Variants in MDGA2 observed in about 807,000 individuals in gnomAD.
The protein encoded by MDGA2 is MAM domain-containing glycosylphosphatidylinositol anchor protein 2.
MDGA2 carries 40 observed loss-of-function variants against 117.8 expected under a neutral mutation model. The ratio of observed to expected loss-of-function variants is 0.34; its 90% CI spans 0.26 to 0.44. The LOEUF (loss-of-function observed/expected upper bound fraction) is 0.44, where lower values mean the gene tolerates loss of function less well. Among genes scored for constraint, MDGA2 ranks in the 20% least tolerant of loss-of-function variants. The pLI, the probability that MDGA2 is intolerant of heterozygous loss-of-function variation, is 1.00. For synonymous variants in MDGA2, 452 were observed against 439.0 expected (o/e 1.03, Z -0.37); for missense variants, 1,123 against 1,250.6 (o/e 0.90, Z 1.54).
At chr14:47,252,427 A>G (rs1226418363) in intron 2 of MDGA2, among the ~76,000 whole-genome samples, 1 of 152,296 alleles carries the variant, frequency 6.6e-6, no homozygotes, top group East Asian at 1.9e-4. Context: ...CAAAAGAATA[A>G]TTTAATCACA....
At chr14:47,511,420 T>C (rs1317648281) in intron 1 of MDGA2, among the ~76,000 whole-genome samples, 1 of 152,178 alleles carries the variant, frequency 6.6e-6, no homozygotes, top group East Asian at 1.9e-4. Flanking sequence ...GTTCTTGTAT[T>C]TACATACTGA....
At chr14:47,671,485 C>T (rs1457241519) in intron 1 of MDGA2, among the ~76,000 whole-genome samples, 2 of 152,172 alleles carry the variant, frequency 1.3e-5, no homozygotes, top group Non-Finnish European at 2.9e-5. Context: ...TTTATAATGA[C>T]ATAGTTCTCA....
intron 1 of MDGA2, among the ~76,000 whole-genome samples, chr14:47,476,241 T>G (rs984177774): frequency 2.0e-5 from 3 of 152,062 alleles, no homozygotes; most frequent in Non-Finnish European, 2.9e-5. Flanking sequence ...TTGCTAGGAG[T>G]ATAAAATGTC....
At chr14:46,869,351 CTTTTTT>C (rs35619816) in intron 14 of MDGA2, among the ~76,000 whole-genome samples, 2 of 119,130 alleles carry the variant, frequency 1.7e-5, no homozygotes. Flanking sequence ...CTATGAGATT[CTTTTTT>C]TTTTTTTTTT....
chr14:46,872,247 G>A (rs559738811), intron 14 of MDGA2, among the ~76,000 whole-genome samples: 5 of 151,840 alleles, frequency 3.3e-5, no homozygotes, highest in Non-Finnish European at 7.4e-5. Context: ...GTGTCCAATT[G>A]TATTAGTTTA....
intron 1 of MDGA2, among the ~76,000 whole-genome samples, chr14:47,552,979 T>A (rs1895613152): frequency 6.6e-6 from 1 of 152,206 alleles, no homozygotes; most frequent in Admixed American, 6.5e-5. Context: ...AATATTACCC[T>A]CTCAGGAAGA....
intron 1 of MDGA2, among the ~76,000 whole-genome samples, chr14:47,341,910 C>G (rs1890635555): frequency 6.6e-6 from 1 of 152,070 alleles, no homozygotes; most frequent in East Asian, 1.9e-4. Context: ...CTGATTTTAG[C>G]TCACTGAAAC....
chr14:47,145,011 A>C (rs906444037), intron 3 of MDGA2, among the ~76,000 whole-genome samples: 3 of 151,834 alleles, frequency 2.0e-5, no homozygotes, highest in African/African-American at 7.3e-5. Context: ...AATAATTTAA[A>C]AATTACAAAT....
At chr14:47,134,671 T>C (rs1251781078) in intron 4 of MDGA2, among the ~76,000 whole-genome samples, 1 of 151,836 alleles carries the variant, frequency 6.6e-6, no homozygotes, top group East Asian at 1.9e-4. Context: ...ATATTGATGA[T>C]ATATAGGTAC....
intron 8 of MDGA2, among the ~76,000 whole-genome samples, chr14:47,020,013 T>C (rs1486327244): frequency 2.6e-5 from 4 of 152,116 alleles, no homozygotes; most frequent in Admixed American, 6.5e-5. Context: ...TCACTTTCAG[T>C]AGGGTCATAC....
intron 8 of MDGA2, among the ~76,000 whole-genome samples, chr14:47,032,999 CA>C (rs1282592494): frequency 6.6e-6 from 1 of 152,128 alleles, no homozygotes; most frequent in Non-Finnish European, 1.5e-5. Flanking sequence ...GGGATGCAGA[CA>C]AATTGTATCA....
intron 1 of MDGA2, among the ~76,000 whole-genome samples, chr14:47,409,077 G>A (rs751092266): frequency 6.6e-6 from 1 of 152,154 alleles, no homozygotes; most frequent in African/African-American, 2.4e-5. Flanking sequence ...AGAAAGGCGG[G>A]GGGGACTGGA....
intron 5 of MDGA2, among the ~76,000 whole-genome samples, chr14:47,109,843 G>A (rs1487834895): frequency 5.3e-5 from 8 of 152,278 alleles, no homozygotes; most frequent in South Asian, 4.1e-4. Context: ...CTACTTGGGA[G>A]GCTGAGGCAA....
At chr14:47,650,085 C>G (rs1897611108) in intron 1 of MDGA2, among the ~76,000 whole-genome samples, 1 of 152,064 alleles carries the variant, frequency 6.6e-6, no homozygotes, top group Non-Finnish European at 1.5e-5. Flanking sequence ...TCCAATCAAT[C>G]GAAGGCCTGA....
intron 16 of MDGA2, among the ~76,000 whole-genome samples, chr14:46,844,514 G>A (rs1055199513): frequency 9.2e-5 from 14 of 152,030 alleles, no homozygotes; most frequent in Non-Finnish European, 1.8e-4. Context: ...CCGGGAGGCG[G>A]AGATTGCAGT....
chr14:46,854,360 G>GTA (rs1881180286), intron 15 of MDGA2, among the ~76,000 whole-genome samples: 1 of 151,132 alleles, frequency 6.6e-6, no homozygotes, highest in Non-Finnish European at 1.5e-5. Flanking sequence ...ATTTATATAT[G>GTA]TATATATGTT....
At chr14:47,636,896 C>T (rs554157281) in intron 1 of MDGA2, among the ~76,000 whole-genome samples, 138 of 149,508 alleles carry the variant, frequency 9.2e-4, no homozygotes, top group Middle Eastern at 7.0e-3. Flanking sequence ...CACTTGAATC[C>T]GGGAAATGAA....
At chr14:47,126,836 T>C (rs574917813) in intron 5 of MDGA2, among the ~76,000 whole-genome samples, 1 of 152,304 alleles carries the variant, frequency 6.6e-6, no homozygotes, top group South Asian at 2.1e-4. Flanking sequence ...GTAACTGTTC[T>C]GCAGTAAGAA....
chr14:47,332,753 T>C (rs2416050), intron 1 of MDGA2, among the ~76,000 whole-genome samples: 146,454 of 151,956 alleles, frequency 0.96, 70,828 homozygotes, highest in East Asian at 1. Flanking sequence ...ACGTAACCAT[T>C]ACCAAAATCG....
Sources: gnomAD v4.1 joint callset for allele counts (sites outside exome capture counted in the v4.1 genomes callset) on GRCh38, gnomAD v4.1.1 for gene constraint, MANE v1.5 for transcripts, NCBI Gene and HGNC (gene_info 2026-07-23, HGNC 2026-07-21) for gene names.